Variants in DSCAML1 observed in about 807,000 individuals in gnomAD.
DSCAML1 encodes DS cell adhesion molecule like 1.
In DSCAML1, 38 loss-of-function variants were observed where a neutral mutation model predicts 200.5. The observed-to-expected ratio is 0.19, with a 90% CI of 0.15 to 0.25. The LOEUF is 0.25. DSCAML1 is among the 10% of genes least tolerant of loss of function. DSCAML1 has a pLI of 1.00. For synonymous variants in DSCAML1, 1,215 were observed against 1,165.0 expected, an observed-to-expected ratio of 1.04 and a Z score of -0.87; for missense variants, 2,223 against 2,858.8, an observed-to-expected ratio of 0.78 and a Z score of 5.07.
At position 117,498,322 on chromosome 11, in the gene DSCAML1, C is replaced by T. The variant is rs1049065961; in HGVS notation, c.2359+5523G>A. Among the ~76,000 whole-genome samples, 4 of 152,188 alleles carry T rather than the reference C, an allele frequency of 2.6e-5. No individual in the cohort carries two copies. The highest frequency in any genetic ancestry group is 5.9e-5 in the Non-Finnish European group (4 of 68,042). ...TCCACTTACATGCTCTGCCAACAGC[C>T]GTCCCTCAGCTCTAGGGGTCACGGC... On this transcript the variant is annotated intron_variant, in intron 11 of 32. Coordinates refer to ENST00000651296, the MANE Select transcript of DSCAML1 (RefSeq NM_020693.4). The surrounding 1 kb of genome is among the most constrained non-coding windows in gnomAD (Gnocchi z 4.0).
At chr11:117,458,544 G>A (rs1007590373) in intron 19 of DSCAML1, among the ~76,000 whole-genome samples, 3 of 151,790 alleles carry the variant, frequency 2.0e-5, no homozygotes, top group African/African-American at 7.2e-5. Flanking sequence ...TAGGGGGTGC[G>A]GGGGGAGGTG....
At chr11:117,753,614 G>A (rs1317235360) in intron 3 of DSCAML1, among the ~76,000 whole-genome samples, 1 of 152,168 alleles carries the variant, frequency 6.6e-6, no homozygotes, top group African/African-American at 2.4e-5. Context: ...AGCTGATGTA[G>A]GCACACTTTT....
intron 3 of DSCAML1, among the ~76,000 whole-genome samples, chr11:117,601,974 G>T: frequency 6.6e-6 from 1 of 152,240 alleles, no homozygotes; most frequent in East Asian, 1.9e-4. Context: ...ATGGGGGCTG[G>T]AAGAATTACC....
chr11:117,457,729 A>C (rs902364563), intron 19 of DSCAML1, among the ~76,000 whole-genome samples: 6 of 152,150 alleles, frequency 3.9e-5, no homozygotes, highest in Non-Finnish European at 8.8e-5. Flanking sequence ...CGACAATGGC[A>C]GCTTCTCCCC....
intron 3 of DSCAML1, among the ~76,000 whole-genome samples, chr11:117,631,663 TG>T (rs2052176131): frequency 6.6e-6 from 1 of 152,242 alleles, no homozygotes. Context: ...TGTGAGCTTG[TG>T]CATGTGCACA....
chr11:117,630,365 C>T (rs2052144777), intron 3 of DSCAML1, among the ~76,000 whole-genome samples: 1 of 152,160 alleles, frequency 6.6e-6, no homozygotes, highest in South Asian at 2.1e-4. Context: ...CACACATCTG[C>T]TCAGCTCAGT....
intron 3 of DSCAML1, among the ~76,000 whole-genome samples, chr11:117,767,665 G>A (rs1289644107): frequency 6.6e-6 from 1 of 152,138 alleles, no homozygotes; most frequent in East Asian, 1.9e-4. Flanking sequence ...CCTTGATGAG[G>A]GAAACAGTAA....
At chr11:117,542,145 A>G (rs1230610921) in intron 3 of DSCAML1, among the ~76,000 whole-genome samples, 1 of 152,112 alleles carries the variant, frequency 6.6e-6, no homozygotes, top group Non-Finnish European at 1.5e-5. Context: ...CCCCGTCTCT[A>G]CTAAAATACA....
chr11:117,603,995 C>T (rs773840592), intron 3 of DSCAML1, among the ~76,000 whole-genome samples: 1 of 152,236 alleles, frequency 6.6e-6, no homozygotes, highest in Non-Finnish European at 1.5e-5. Context: ...GCTGGGCAGA[C>T]GACTTGGCCA....
In DSCAML1 at chr11:117,431,737, A is replaced by G. The variant is rs1036168980; in HGVS notation, c.5180-9T>C. Reference sequence around the variant, plus strand: ...CTTCCTGGACACTGGATCTGCACAGACAGAAGCAAGAAATTGCATCCTCCA... The same window carrying G: ...CTTCCTGGACACTGGATCTGCACAGGCAGAAGCAAGAAATTGCATCCTCCA... On this transcript the variant is annotated splice_polypyrimidine_tract_variant and intron_variant, in intron 30 of 32. Coordinates refer to ENST00000651296, the MANE Select transcript of DSCAML1 (RefSeq NM_020693.4). The G allele has an allele frequency of 1.3e-6, 2 of 1,519,270 alleles. No homozygotes were observed. Among genetic ancestry groups the G allele is most frequent in the Admixed American group, 4.0e-5 (2 of 50,060 alleles). The allele number at this position is 1,519,270 out of a possible 1,614,324, so 94.1% of individuals were successfully genotyped here. A position where few individuals can be genotyped will look rare whatever the true frequency, so the allele number is the denominator to read the frequency against.
chr11:117,809,402 G>A (rs1341165153), intron 1 of DSCAML1, among the ~76,000 whole-genome samples: 1 of 152,222 alleles, frequency 6.6e-6, no homozygotes, highest in Non-Finnish European at 1.5e-5. Flanking sequence ...CCGCCTCCCT[G>A]GCCCACTACT....
chr11:117,781,776 T>C (rs1414456113), intron 1 of DSCAML1, among the ~76,000 whole-genome samples: 1 of 152,230 alleles, frequency 6.6e-6, no homozygotes, highest in African/African-American at 2.4e-5. Context: ...ATCTCTGACA[T>C]GGTGCCATTC....
In DSCAML1 at chr11:117,674,104, A is replaced by AT. The variant is rs140685123; in HGVS notation, c.511+102686dup. 8.9e-4 allele frequency among the ~76,000 whole-genome samples: 136 copies of AT among 152,274 alleles called. 3 individuals carry two copies. In the East Asian group the frequency reaches 0.023, roughly 26 times the overall value. Reference sequence around the variant, plus strand: ...ACTGGAGGAAGCAAGTGCAGCACTTATATCCAAAGCAACTTACGTTGCCGG... The same window carrying AT: ...ACTGGAGGAAGCAAGTGCAGCACTTATTATCCAAAGCAACTTACGTTGCCGG... On this transcript the variant is annotated intron_variant, in intron 3 of 32. Coordinates refer to ENST00000651296, the MANE Select transcript of DSCAML1 (RefSeq NM_020693.4).
intron 17 of DSCAML1, among the ~76,000 whole-genome samples, chr11:117,464,646 G>A (rs1592618210): frequency 1.3e-5 from 2 of 152,182 alleles, no homozygotes; most frequent in Non-Finnish European, 2.9e-5. Context: ...AGGGAGAAGC[G>A]TGGATGGGGA....
chr11:117,764,745 G>C (rs941058033), intron 3 of DSCAML1, among the ~76,000 whole-genome samples: 1 of 152,178 alleles, frequency 6.6e-6, no homozygotes, highest in Non-Finnish European at 1.5e-5. Context: ...GGCTTTCCTA[G>C]GCCTGGGCAG....
chr11:117,540,321 C>T (rs534988342), intron 3 of DSCAML1, among the ~76,000 whole-genome samples: 2 of 152,194 alleles, frequency 1.3e-5, no homozygotes, highest in South Asian at 2.1e-4. Flanking sequence ...ACTGTGCCTG[C>T]GAGGGATCTA....
chr11:117,697,560 A>G (rs1176161693), intron 3 of DSCAML1, among the ~76,000 whole-genome samples: 2 of 152,120 alleles, frequency 1.3e-5, no homozygotes, highest in Admixed American at 1.3e-4. Context: ...CATCTTGCAG[A>G]TGAAACTCTG....
intron 3 of DSCAML1, among the ~76,000 whole-genome samples, chr11:117,720,734 C>G (rs372864663): frequency 6.6e-6 from 1 of 152,188 alleles, no homozygotes; most frequent in Non-Finnish European, 1.5e-5. Context: ...AAATGGTGCA[C>G]AGCAATAGTG....
chr11:117,529,790 A>G (rs1428996313), intron 4 of DSCAML1, among the ~76,000 whole-genome samples: 1 of 151,524 alleles, frequency 6.6e-6, no homozygotes, highest in East Asian at 1.9e-4. Context: ...CTCCACCCTC[A>G]GCTCTGGGGA....
Sources: gnomAD v4.1 joint callset for allele counts (sites outside exome capture counted in the v4.1 genomes callset) on GRCh38, gnomAD v4.1.1 for gene constraint, Gnocchi (gnomAD v3.1) non-coding constraint, MANE v1.5 for transcripts, NCBI Gene and HGNC (gene_info 2026-07-23, HGNC 2026-07-21) for gene names.